Variants in CCL1 observed in about 807,000 individuals in gnomAD.
CCL1 encodes C-C motif chemokine ligand 1, also known as C-C motif chemokine 1.
A neutral mutation model predicts 7.5 loss-of-function variants in CCL1; 9 were observed. The observed-to-expected ratio is 1.20, with a 90% confidence interval of 0.72 to 2.09. The LOEUF is 2.09. Among genes scored for constraint, CCL1 ranks in the 30% most tolerant of loss-of-function variants. The pLI, the probability that CCL1 is intolerant of heterozygous loss-of-function variation, is 0.00. For synonymous variants in CCL1, 48 were observed against 44.7 expected (o/e 1.07, Z -0.30); for missense variants, 110 against 113.7 (o/e 0.97, Z 0.15).
At position 34,361,815 on chromosome 17, in the gene CCL1, G is replaced by C; in HGVS notation, c.158C>G (p.Thr53Ser). Residue 53 changes from threonine (T) to serine (S), a missense_variant, in exon 2 of 3, where the codon ACC (threonine) becomes AGC (serine). Coordinates refer to ENST00000225842, the MANE Select transcript of CCL1 (RefSeq NM_002981.2). ...GCCCTCATTGGAGCAGATGGAGCTGGTATTTCTGTAACACAGGATTGCCCT... is the reference window on the plus strand; with the variant it reads ...GCCCTCATTGGAGCAGATGGAGCTGCTATTTCTGTAACACAGGATTGCCCT... ...PLRAILCYRN[T>S]SSICSNEGLI... The C allele has an allele frequency of 6.2e-7, 1 of 1,612,998 alleles. No homozygotes were observed. Among genetic ancestry groups the C allele is most frequent in the Non-Finnish European group, 8.5e-7 (1 of 1,179,000 alleles).
rs1281848809 is a variant in CCL1, at chr17:34,360,427, A to C, written c.*132T>G. The C allele has an allele frequency of 2.8e-6, 2 of 710,658 alleles. No individual in the cohort carries two copies. The allele number at this position is 710,658 out of a possible 1,614,324, so 44.0% of individuals were successfully genotyped here. ...ATTTAAATGTTTAAAGTGCAACAAC[A>C]TAGCTTATCAAGACCAAGCAGATCC... On this transcript the variant is annotated 3_prime_UTR_variant, in exon 3 of 3. Coordinates refer to ENST00000225842, the MANE Select transcript of CCL1 (RefSeq NM_002981.2).
Position 34,360,378 on chromosome 17 carries a change from G to C in CCL1, c.*181C>G, listed in dbSNP as rs1039060610. On this transcript the variant is annotated 3_prime_UTR_variant, in exon 3 of 3. Transcript: ENST00000225842. Reference sequence around the variant, plus strand: ...CACTCTGAAATCCAAGAGACCCAGAGGGTTGGGGGTTGATGATTGTATAAT... The same window carrying C: ...CACTCTGAAATCCAAGAGACCCAGACGGTTGGGGGTTGATGATTGTATAAT... The C allele has an allele frequency of 3.9e-5, 22 of 560,446 alleles. No individual in the cohort carries two copies. In the East Asian group the frequency reaches 6.4e-4, roughly 16 times the overall value. 34.7% of individuals were successfully genotyped at this position (560,446 alleles called of 1,614,324 possible).
chr17:34,362,831 C>G (rs1283910016), intron 1 of CCL1, among the ~76,000 whole-genome samples: 9 of 147,016 alleles, frequency 6.1e-5, no homozygotes, highest in Non-Finnish European at 1.4e-4. Flanking sequence ...CTCACAGGTT[C>G]CCTTCCTTGG....
rs1026802007 is a variant in CCL1 at position 34,360,392 on chromosome 17, T to C, written c.*167A>G. On this transcript the variant is annotated 3_prime_UTR_variant, in exon 3 of 3. Coordinates refer to ENST00000225842, the MANE Select transcript of CCL1 (RefSeq NM_002981.2). ...AGAGACCCAGAGGGTTGGGGGTTGATGATTGTATAATTTAAATGTTTAAAG... is the reference window on the plus strand; with the variant it reads ...AGAGACCCAGAGGGTTGGGGGTTGACGATTGTATAATTTAAATGTTTAAAG... 7 of 590,766 alleles carry C rather than the reference T, an allele frequency of 1.2e-5. No individual in the cohort carries two copies. Among genetic ancestry groups the C allele is most frequent in the East Asian group, 1.2e-4 (4 of 34,312 alleles). 36.6% of individuals were successfully genotyped at this position (590,766 alleles called of 1,614,324 possible). A position where few individuals can be genotyped will look rare whatever the true frequency, so the allele number is the denominator to read the frequency against.
chr17:34,361,201 A>G (rs987894055), intron 2 of CCL1, among the ~76,000 whole-genome samples: 6 of 151,964 alleles, frequency 3.9e-5, no homozygotes, highest in Non-Finnish European at 7.4e-5. Context: ...TACCTTCCTG[A>G]ACCTCACTTT....
chr17:34,361,605 C>T (rs1910508062), intron 2 of CCL1, among the ~76,000 whole-genome samples, 180 bp downstream of exon 2: 1 of 152,240 alleles, frequency 6.6e-6, no homozygotes, highest in Non-Finnish European at 1.5e-5. Flanking sequence ...TCCTTCCTCA[C>T]ACCTGCTAGG....
At position 34,361,799 on chromosome 17, in the gene CCL1, G is replaced by A; in HGVS notation, c.174C>T (p.Ser58=). The A allele has an allele frequency of 6.2e-7, 1 of 1,609,288 alleles. No homozygotes were observed. Among genetic ancestry groups the A allele is most frequent in the African/African-American group, 1.3e-5 (1 of 74,964 alleles). The change falls in exon 2 of 3, where the codon TCC becomes TCT. Residue 58 remains serine, a synonymous_variant. Coordinates refer to ENST00000225842, the MANE Select transcript of CCL1 (RefSeq NM_002981.2). ...LCYRNTSSIC[S]NEGLIFKLKR... ...TGATCACTTACATTAAGCCCTCATT[G>A]GAGCAGATGGAGCTGGTATTTCTGT...
At chr17:34,361,947 C>A in intron 1 of CCL1, 51 bp from the exon 2 acceptor site, 2 of 1,219,714 alleles carry the variant, frequency 1.6e-6, no homozygotes, top group Non-Finnish European at 2.4e-6. Context: ...AACCTCTCAC[C>A]TGTAGCACAA....
chr17:34,361,962 T>TAA, intron 1 of CCL1, 66 bp from the exon 2 acceptor site: 1 of 1,033,022 alleles, frequency 9.7e-7, no homozygotes, highest in African/African-American at 1.6e-5. Flanking sequence ...GCACAATTTT[T>TAA]AAAAAACAAA....
chr17:34,362,946 G>A, intron 1 of CCL1, 140 bp downstream of exon 1: 1 of 752,296 alleles, frequency 1.3e-6, no homozygotes, highest in Non-Finnish European at 2.2e-6. Flanking sequence ...GCCTGTCCAA[G>A]TTCACCATTC....
At chr17:34,362,692 C>T (rs950643752) in intron 1 of CCL1, among the ~76,000 whole-genome samples, 1 of 152,172 alleles carries the variant, frequency 6.6e-6, no homozygotes, top group African/African-American at 2.4e-5. Flanking sequence ...GCTAAAGTGA[C>T]TTGCCCAAGA....
At chr17:34,361,680 A>T (rs1910509940) in intron 2 of CCL1, 105 bp downstream of exon 2, 6 of 808,140 alleles carry the variant, frequency 7.4e-6, no homozygotes. Context: ...CTCTGGGTTT[A>T]GAAACCTTAT....
Position 34,363,233 on chromosome 17 carries a change from T to C in CCL1, c.-72A>G. The C allele has an allele frequency of 7.0e-7, 1 of 1,436,580 alleles. No homozygotes were observed. Among genetic ancestry groups the C allele is most frequent in the Non-Finnish European group, 9.7e-7 (1 of 1,029,182 alleles). The allele number at this position is 1,436,580 out of a possible 1,614,324, so 89.0% of individuals were successfully genotyped here. On this transcript the variant is annotated 5_prime_UTR_variant, in exon 1 of 3. Transcript: ENST00000225842. Reference sequence around the variant, plus strand: ...TGGTGAAGCTAAGAGCTCACCACTGTGCCGTCCTGCAATGCTGAGGGCTTT... The same window carrying C: ...TGGTGAAGCTAAGAGCTCACCACTGCGCCGTCCTGCAATGCTGAGGGCTTT...
chr17:34,362,814 G>A (rs924124677), intron 1 of CCL1, among the ~76,000 whole-genome samples: 15 of 151,996 alleles, frequency 9.9e-5, no homozygotes, highest in African/African-American at 2.7e-4. Flanking sequence ...AGCTTTACCC[G>A]AGTAACCTCA....
In CCL1 at chr17:34,363,209, G is replaced by C; in HGVS notation, c.-48C>G. 6.3e-7 allele frequency: 1 copy of C among 1,578,890 alleles called. No homozygotes were observed. The highest frequency in any genetic ancestry group is 2.2e-5 in the East Asian group (1 of 44,662). ...TTCCTGGAGCAGCTTTGATGAGCCTGGTGAAGCTAAGAGCTCACCACTGTG... is the reference window on the plus strand; with the variant it reads ...TTCCTGGAGCAGCTTTGATGAGCCTCGTGAAGCTAAGAGCTCACCACTGTG... On this transcript the variant is annotated 5_prime_UTR_variant, in exon 1 of 3. Coordinates refer to ENST00000225842, the MANE Select transcript of CCL1 (RefSeq NM_002981.2).
chr17:34,360,732 G>T (rs529692183), intron 2 of CCL1, 71 bp from the exon 3 acceptor site: 3 of 1,155,790 alleles, frequency 2.6e-6, no homozygotes, highest in African/African-American at 3.0e-5. Context: ...CACAAGCCCC[G>T]CCTCCTCCGG....
Position 34,361,858 on chromosome 17 carries a change from C to A in CCL1, c.115G>T (p.Glu39Ter). Reference sequence around the variant, plus strand: ...ATTGCCCTCAGGGGAATCTCTTGCTCCGCAAATGAGAAGCAACATCTGGAG... The same window carrying A: ...ATTGCCCTCAGGGGAATCTCTTGCTACGCAAATGAGAAGCAACATCTGGAG... ...PFSRCCFSFAEQEIPLRAILC... is the reference protein window; with the variant it reads ...PFSRCCFSFA Residue 39 changes from glutamate to a stop codon, truncating the protein, a stop_gained, in exon 2 of 3, where the codon GAG (glutamate) becomes TAG (stop). Transcript: ENST00000225842. LOFTEE classifies it high-confidence loss of function. 1.2e-6 allele frequency: 2 copies of A among 1,612,950 alleles called. No homozygotes were observed. Among genetic ancestry groups the A allele is most frequent in the South Asian group, 2.2e-5 (2 of 91,054 alleles).
At position 34,363,120 on chromosome 17, in the gene CCL1, A is replaced by C; in HGVS notation, c.42T>G (p.Ala14=). 6.2e-7 allele frequency: 1 copy of C among 1,613,602 alleles called. No homozygotes were observed. The highest frequency in any genetic ancestry group is 8.5e-7 in the Non-Finnish European group (1 of 1,180,018). ...ITTALVCLLL[A]GMWPEDVDSK... ...TGTCCACATCTTCCGGCCACATCCC[A>C]GCTAGCAGCAAGCACACCAGGGCTG... Residue 14 remains alanine (A), a synonymous_variant, in exon 1 of 3, where the codon GCT becomes GCG. Transcript: ENST00000225842.
At position 34,360,381 on chromosome 17, in the gene CCL1, T is replaced by G; in HGVS notation, c.*178A>C. 1 of 555,576 alleles carries G rather than the reference T, an allele frequency of 1.8e-6. No homozygotes were observed. The highest frequency in any genetic ancestry group is 3.3e-6 in the Non-Finnish European group (1 of 307,624). The allele number at this position is 555,576 out of a possible 1,614,324, so 34.4% of individuals were successfully genotyped here. A position where few individuals can be genotyped will look rare whatever the true frequency, so the allele number is the denominator to read the frequency against. ...TCTGAAATCCAAGAGACCCAGAGGG[T>G]TGGGGGTTGATGATTGTATAATTTA... On this transcript the variant is annotated 3_prime_UTR_variant, in exon 3 of 3. Transcript: ENST00000225842.
Sources: allele counts gnomAD v4.1 joint callset (sites outside exome capture counted in the v4.1 genomes callset), GRCh38; gene constraint gnomAD v4.1.1; transcripts MANE v1.5; gene names NCBI Gene and HGNC (gene_info 2026-07-23, HGNC 2026-07-21).